The following CDYL2 variants were observed in gnomAD, a reference collection of about 807,000 sequenced individuals.
CDYL2 encodes the protein chromodomain Y-like protein 2.
Under a neutral mutation model 49.4 loss-of-function variants are expected in CDYL2, and 23 were observed. The ratio of observed to expected loss-of-function variants is 0.47; its 90% confidence interval spans 0.34 to 0.66. The LOEUF is 0.66. Ranked by LOEUF, CDYL2 falls within the 30% of genes least tolerant of loss-of-function variation. The pLI is 0.01. For synonymous variants in CDYL2, 360 were observed against 268.8 expected (o/e 1.34, Z -3.32); for missense variants, 678 against 656.4 (o/e 1.03, Z -0.36).
At chr16:80,689,064 G>C (rs1233460293) in intron 1 of CDYL2, among the ~76,000 whole-genome samples, 1 of 151,426 alleles carries the variant, frequency 6.6e-6, no homozygotes, top group African/African-American at 2.4e-5. Flanking sequence ...CCCTTTATTT[G>C]CACATATGAA....
chr16:80,599,796 C>A lies in CDYL2; in HGVS notation c.*4592G>T, dbSNP rs771172090. Reference sequence around the variant, plus strand: ...GATGGACCAGCAGCCTTCCCTATGACCGTGTCTAAACCATGTTTACAGTAT... The same window carrying A: ...GATGGACCAGCAGCCTTCCCTATGAACGTGTCTAAACCATGTTTACAGTAT... On this transcript the variant is annotated 3_prime_UTR_variant, in exon 7 of 7. Transcript: ENST00000570137. 6.6e-6 allele frequency: 1 copy of A among 152,178 alleles called. No individual in the cohort carries two copies. The highest frequency in any genetic ancestry group is 1.5e-5 in the Non-Finnish European group (1 of 68,046). 9.4% of individuals were successfully genotyped at this position (152,178 alleles called of 1,614,324 possible). A position where few individuals can be genotyped will look rare whatever the true frequency, so the allele number is the denominator to read the frequency against.
chr16:80,709,418 A>C (rs990890978), intron 1 of CDYL2, among the ~76,000 whole-genome samples: 7 of 152,056 alleles, frequency 4.6e-5, no homozygotes, highest in Admixed American at 3.3e-4. Flanking sequence ...ATTTGTTCCA[A>C]CACAATTTAT....
At chr16:80,739,790 C>A (rs1187449293) in intron 1 of CDYL2, among the ~76,000 whole-genome samples, 1 of 152,166 alleles carries the variant, frequency 6.6e-6, no homozygotes, top group Non-Finnish European at 1.5e-5. Flanking sequence ...TTACTCCCTG[C>A]CAATCAGGGA....
intron 1 of CDYL2, among the ~76,000 whole-genome samples, chr16:80,727,075 G>GA (rs575584553): frequency 9.5e-4 from 145 of 152,042 alleles, no homozygotes; most frequent in Middle Eastern, 3.4e-3. Flanking sequence ...ATCTCAAAAA[G>GA]AAAAAAAAGT....
Position 80,669,085 on chromosome 16 carries a change from C to T in CDYL2, c.616+15453G>A, listed in dbSNP as rs141414044. ...TAGGGACCTAGATATACCACACTGA[C>T]AAATTTGTCTCCTCTTTCTTGAAAC... is the stretch of plus-strand genomic sequence containing the variant. On this transcript the variant is annotated intron_variant, in intron 2 of 6. Coordinates refer to ENST00000570137, the MANE Select transcript of CDYL2 (RefSeq NM_152342.4). Among the ~76,000 whole-genome samples, 49 of 151,836 alleles carry T rather than the reference C, an allele frequency of 3.2e-4. No individual in the cohort carries two copies. In the East Asian group the frequency reaches 8.9e-3, roughly 28 times the overall value.
At chr16:80,641,721 G>A (rs1020270870) in intron 2 of CDYL2, among the ~76,000 whole-genome samples, 4 of 133,972 alleles carry the variant, frequency 3.0e-5, no homozygotes, top group Admixed American at 1.7e-4. Flanking sequence ...CACAGGAAGG[G>A]GAACATCACA....
chr16:80,715,600 A>G (rs1409558350), intron 1 of CDYL2, among the ~76,000 whole-genome samples: 1 of 151,566 alleles, frequency 6.6e-6, no homozygotes, highest in Non-Finnish European at 1.5e-5. Context: ...CCACTCTCAC[A>G]TTGCCTCCAG....
At chr16:80,629,078 G>A (rs1597133779) in intron 3 of CDYL2, among the ~76,000 whole-genome samples, 2 of 152,160 alleles carry the variant, frequency 1.3e-5, no homozygotes, top group South Asian at 4.1e-4. Flanking sequence ...TATGTGAGGT[G>A]GGCTGCACGA....
intron 2 of CDYL2, among the ~76,000 whole-genome samples, chr16:80,660,607 G>A (rs949588030): frequency 6.6e-6 from 1 of 151,982 alleles, no homozygotes. Context: ...ACCTAAAATA[G>A]GAGAAATAAT....
chr16:80,684,928 T>G lies in CDYL2; in HGVS notation c.226A>C (p.Lys76Gln). Residue 76 changes from lysine to glutamine, a missense_variant, in exon 2 of 7, where the codon AAG becomes CAG. Physicochemically the swap from Lys to Gln is moderately conservative, Grantham distance 53. Coordinates refer to ENST00000570137, the MANE Select transcript of CDYL2 (RefSeq NM_152342.4). ...GGGCCTCGACTGTCACGCAGCAGCT[T>G]GGAGGTACTGGACTGCTTCCCTGAC... is the stretch of plus-strand genomic sequence containing the variant. ...IKSGKQSSTS[K>Q]LLRDSRGPSV... 1 of 1,613,738 alleles carries G rather than the reference T, an allele frequency of 6.2e-7. No individual in the cohort carries two copies. The highest frequency in any genetic ancestry group is 1.1e-5 in the South Asian group (1 of 91,080).
chr16:80,762,084 G>T (rs117710492), intron 1 of CDYL2, among the ~76,000 whole-genome samples: 1 of 152,054 alleles, frequency 6.6e-6, no homozygotes, highest in South Asian at 2.1e-4. Context: ...TACTCGGGAG[G>T]CTGAGGCAGG....
At chr16:80,711,543 G>T (rs1170235724) in intron 1 of CDYL2, among the ~76,000 whole-genome samples, 1 of 152,146 alleles carries the variant, frequency 6.6e-6, no homozygotes, top group Non-Finnish European at 1.5e-5. Context: ...GATGCAAAGT[G>T]GAAGAGAGCT....
chr16:80,615,064 G>A (rs1190716595), intron 4 of CDYL2, among the ~76,000 whole-genome samples: 11 of 152,000 alleles, frequency 7.2e-5, no homozygotes, highest in South Asian at 2.1e-4. Context: ...ATAAAAGTAC[G>A]TGCCTCTGAC....
At chr16:80,702,979 A>G (rs1597086988) in intron 1 of CDYL2, among the ~76,000 whole-genome samples, 1 of 152,248 alleles carries the variant, frequency 6.6e-6, no homozygotes, top group Admixed American at 6.5e-5. Flanking sequence ...CATAACTGAT[A>G]TAACTTGACA....
chr16:80,622,193 C>T (rs1193240837), intron 3 of CDYL2, among the ~76,000 whole-genome samples: 1 of 152,238 alleles, frequency 6.6e-6, no homozygotes, highest in Non-Finnish European at 1.5e-5. Context: ...AGCCCCAGAG[C>T]ACGCAGCCAG....
intron 1 of CDYL2, among the ~76,000 whole-genome samples, chr16:80,749,016 C>A (rs1906037672): frequency 6.6e-6 from 1 of 151,832 alleles, no homozygotes; most frequent in Non-Finnish European, 1.5e-5. Flanking sequence ...AAGGTTAAAG[C>A]TTAAGCTGTA....
chr16:80,777,357 G>A (rs1037892806), intron 1 of CDYL2, among the ~76,000 whole-genome samples: 1 of 151,584 alleles, frequency 6.6e-6, no homozygotes, highest in Non-Finnish European at 1.5e-5. Context: ...AACAGATGAA[G>A]GAATGAATGA....
rs567036292 is a variant in CDYL2 at position 80,716,417 on chromosome 16, G to C, written c.25-31288C>G. On this transcript the variant is annotated intron_variant, in intron 1 of 6. Transcript: ENST00000570137. ...GAATGAGTGGGTGGGTGGATGGATAGATGGGTGGATGGGTAGGTCGATGGA... is the reference window on the plus strand; with the variant it reads ...GAATGAGTGGGTGGGTGGATGGATACATGGGTGGATGGGTAGGTCGATGGA... 2.8e-4 allele frequency among the ~76,000 whole-genome samples: 42 copies of C among 152,264 alleles called. No homozygotes were observed. In the South Asian group the frequency reaches 8.5e-3, roughly 31 times the overall value.
At chr16:80,749,889 T>C (rs1906071039) in intron 1 of CDYL2, among the ~76,000 whole-genome samples, 1 of 152,164 alleles carries the variant, frequency 6.6e-6, no homozygotes, top group African/African-American at 2.4e-5. Flanking sequence ...ATAGACACCA[T>C]GGAATACTAT....
Sources: gnomAD v4.1 joint callset for allele counts (sites outside exome capture counted in the v4.1 genomes callset) on GRCh38, gnomAD v4.1.1 for gene constraint, MANE v1.5 for transcripts, NCBI Gene and HGNC (gene_info 2026-07-23, HGNC 2026-07-21) for gene names.